UNC79: variants seen among roughly 807,000 people sequenced by gnomAD.
UNC79 encodes protein unc-79 homolog.
Under a neutral mutation model 283.1 loss-of-function variants are expected in UNC79, and 37 were observed. That is an observed-to-expected ratio of 0.13 (90% CI 0.10 to 0.17). The LOEUF (loss-of-function observed/expected upper bound fraction) is 0.17. Among genes scored for constraint, UNC79 ranks in the 10% least tolerant of loss-of-function variants. The pLI is 1.00. For synonymous variants in UNC79, 1,107 were observed against 1,200.2 expected, an observed-to-expected ratio of 0.92 and a Z score of 1.61; for missense variants, 2,272 against 3,211.1, an observed-to-expected ratio of 0.71 and a Z score of 7.07.
intron 5 of UNC79, among the ~76,000 whole-genome samples, chr14:93,493,901 AT>A (rs71129642): frequency 1.6e-3 from 78 of 49,252 alleles, no homozygotes; most frequent in African/African-American, 5.4e-3. Context: ...ATATATATAT[AT>A]TTTTTTTTTT....
chr14:93,399,974 T>C (rs1310889090), intron 1 of UNC79, among the ~76,000 whole-genome samples: 1 of 152,202 alleles, frequency 6.6e-6, no homozygotes, highest in Non-Finnish European at 1.5e-5. Context: ...GGAAAGGTCT[T>C]TCATAGTCCT....
intron 1 of UNC79, among the ~76,000 whole-genome samples, chr14:93,393,157 A>G (rs553432763): frequency 6.6e-6 from 1 of 152,294 alleles, no homozygotes; most frequent in Non-Finnish European, 1.5e-5. Context: ...GCAGGATCCC[A>G]GTTGTGTGAT....
chr14:93,470,658 G>C (rs2057453592), intron 2 of UNC79, among the ~76,000 whole-genome samples: 1 of 152,170 alleles, frequency 6.6e-6, no homozygotes, highest in South Asian at 2.1e-4. Context: ...TAATCTAGTG[G>C]TGACCTGGGG....
Position 93,353,869 on chromosome 14 carries a change from G to A in UNC79, c.-351+20346G>A, listed in dbSNP as rs1032981359. ...TCTAGAGGAGGAGATAGACAAACAT[G>A]TAACCTTAAATACAAAGACAAAGTC... On this transcript the variant is annotated intron_variant, in intron 1 of 49. Transcript: ENST00000256339. Among the ~76,000 whole-genome samples, 5 of 152,174 alleles carry A rather than the reference G, an allele frequency of 3.3e-5. No individual in the cohort carries two copies. The East Asian group carries it at 9.6e-4, about 29-fold the overall frequency.
intron 35 of UNC79, 128 bp downstream of exon 38, chr14:93,646,774 C>A: frequency 1.0e-6 from 1 of 966,106 alleles, no homozygotes. Context: ...CTTTGGGAGG[C>A]CAGGGTGGGA....
At chr14:93,404,493 A>AATATATATATATATATATAT (rs1445930733) in intron 1 of UNC79, among the ~76,000 whole-genome samples, 1 of 61,472 alleles carries the variant, frequency 1.6e-5, no homozygotes, top group African/African-American at 6.7e-5. Flanking sequence ...TTCTAAAAAA[A>AATATATATATATATATATAT]ATATATATAT....
chr14:93,461,450 C>T (rs575658628), intron 1 of UNC79, among the ~76,000 whole-genome samples: 10 of 152,182 alleles, frequency 6.6e-5, no homozygotes, highest in South Asian at 6.2e-4. Context: ...TAGAAGGGGC[C>T]GTAAAATATC....
intron 1 of UNC79, among the ~76,000 whole-genome samples, chr14:93,380,500 T>G (rs756244107): frequency 2.0e-5 from 3 of 152,176 alleles, no homozygotes; most frequent in African/African-American, 7.2e-5. Flanking sequence ...CTTTGACCAC[T>G]CTAAGGTGGT....
At chr14:93,372,510 G>A (rs2054473373) in intron 1 of UNC79, among the ~76,000 whole-genome samples, 1 of 152,206 alleles carries the variant, frequency 6.6e-6, no homozygotes, top group Non-Finnish European at 1.5e-5. Flanking sequence ...CCAAGAGAAA[G>A]CAGGAGTAGC....
intron 45 of UNC79, 60 bp from the exon 49 acceptor site, chr14:93,691,689 C>T: frequency 6.9e-6 from 11 of 1,592,838 alleles, no homozygotes; most frequent in Middle Eastern, 2.2e-4. Context: ...CGGGAGGACT[C>T]CGTGGAGGGC....
At chr14:93,600,444 T>A in intron 24 of UNC79, 125 bp from the exon 25 acceptor site, 1 of 624,694 alleles carries the variant, frequency 1.6e-6, no homozygotes, top group Non-Finnish European at 2.7e-6. Context: ...CATTCTACAT[T>A]ATAAGTTTGA....
At chr14:93,641,097 C>G (rs780884562) in intron 32 of UNC79, 48 bp from the exon 36 acceptor site, 3 of 1,544,070 alleles carry the variant, frequency 1.9e-6, no homozygotes. Context: ...TTCTTGGCCC[C>G]TTGAAGCTCA....
exon 24 of UNC79, chr14:93,597,471 G>T: frequency 6.2e-7 from 1 of 1,614,140 alleles, no homozygotes; most frequent in Non-Finnish European, 8.5e-7. Context: ...CAGCAGTGGA[G>T]GATGTCAACC....
intron 31 of UNC79, 70 bp downstream of exon 34, chr14:93,634,707 G>A (rs545621688): frequency 3.7e-6 from 5 of 1,341,014 alleles, no homozygotes; most frequent in South Asian, 1.2e-5. Context: ...TGTCCACTCT[G>A]CTCCCTTGTT....
intron 19 of UNC79, among the ~76,000 whole-genome samples, chr14:93,581,871 G>T (rs923137053): frequency 5.3e-5 from 8 of 152,162 alleles, no homozygotes; most frequent in African/African-American, 1.9e-4. Context: ...AATGTACATG[G>T]GTGAGAATGA....
chr14:93,685,888 C>A (rs890983629), intron 42 of UNC79, among the ~76,000 whole-genome samples: 7 of 152,234 alleles, frequency 4.6e-5, no homozygotes, highest in African/African-American at 1.7e-4. Context: ...AACTTGCTTT[C>A]TTTTCCTTCA....
chr14:93,586,416 C>T (rs1377211903), intron 20 of UNC79, among the ~76,000 whole-genome samples, 180 bp from the exon 21 acceptor site: 1 of 152,198 alleles, frequency 6.6e-6, no homozygotes, highest in African/African-American at 2.4e-5. Context: ...AGAAGATTTC[C>T]TGCACTTGTA....
At chr14:93,462,783 G>C (rs1480467561) in intron 1 of UNC79, among the ~76,000 whole-genome samples, 2 of 152,174 alleles carry the variant, frequency 1.3e-5, no homozygotes, top group Non-Finnish European at 2.9e-5. Context: ...TGAGTGACTT[G>C]GTGGGTTACA....
rs762095215 is a variant in UNC79 at position 93,637,279 on chromosome 14, G to T, written c.5780G>T (p.Gly1927Val). 1.2e-6 allele frequency: 2 copies of T among 1,611,712 alleles called. No homozygotes were observed. Among genetic ancestry groups the T allele is most frequent in the South Asian group, 2.2e-5 (2 of 91,022 alleles). ...ACGTGCCTAAACCCTGACCTGGAGG[G>T]ACAGCCATTGAGGATGAGAGGTTAG... The change falls in exon 32 of 49, where the codon GGA (glycine) becomes GTA (valine). Residue 1927 changes from glycine (G) to valine (V), a missense_variant. Physicochemically the swap from Gly to Val is moderately radical, Grantham distance 109. Coordinates refer to ENST00000555664, the Ensembl canonical transcript of UNC79.
Sources: gnomAD v4.1 joint callset for allele counts (sites outside exome capture counted in the v4.1 genomes callset) on GRCh38, gnomAD v4.1.1 for gene constraint, MANE v1.5 for transcripts, NCBI Gene and HGNC (gene_info 2026-07-23, HGNC 2026-07-21) for gene names.